Variants in KRABD2 observed in about 807,000 individuals in gnomAD.
The protein encoded by KRABD2 is KRAB domain containing 2.
the KRABD2 span, among the ~76,000 whole-genome samples, chr17:8,363,841 ATATATATATATATATATATATT>A: frequency 1.9e-4 from 14 of 75,322 alleles, no homozygotes; most frequent in Admixed American, 8.4e-4. Flanking sequence ...ATATATATAT[ATATATATATATATATATATATT>A]TATTTATTTA....
the KRABD2 span, among the ~76,000 whole-genome samples, chr17:8,366,066 TG>T: frequency 6.6e-6 from 1 of 151,752 alleles, no homozygotes; most frequent in Non-Finnish European, 1.5e-5. Context: ...AGGTGGAGGT[TG>T]CAGTGAGCCA....
chr17:8,375,099 C>T, the KRABD2 span, among the ~76,000 whole-genome samples: 1 of 151,842 alleles, frequency 6.6e-6, no homozygotes, highest in African/African-American at 2.4e-5. Flanking sequence ...GCCAGCTCCG[C>T]CTCCCGGGTT....
chr17:8,366,057 G>C, the KRABD2 span, among the ~76,000 whole-genome samples: 2 of 152,080 alleles, frequency 1.3e-5, no homozygotes, highest in African/African-American at 4.8e-5. Flanking sequence ...TAACCTGGAA[G>C]GTGGAGGTTG....
At chr17:8,369,005 A>G in the KRABD2 span, 1 of 1,406,844 alleles carries the variant, frequency 7.1e-7, no homozygotes, top group Non-Finnish European at 9.4e-7. Context: ...CTTTTTGAGC[A>G]AGGACTGCCA....
the KRABD2 span, among the ~76,000 whole-genome samples, chr17:8,374,090 G>GC: frequency 5.3e-5 from 8 of 151,938 alleles, no homozygotes; most frequent in Non-Finnish European, 1.2e-4. Flanking sequence ...GAAGTGAGGG[G>GC]CCCCTCTGCC....
chr17:8,368,506 G>C, the KRABD2 span: 1 of 152,160 alleles, frequency 6.6e-6, no homozygotes, highest in Non-Finnish European at 1.5e-5. Context: ...CTAGAGAAAG[G>C]AGAAAGGCAT....
the KRABD2 span, chr17:8,371,328 A>G: frequency 4.2e-5 from 68 of 1,612,696 alleles, no homozygotes; most frequent in Middle Eastern, 8.2e-4. Context: ...CCGTGTTCTC[A>G]TAACTGTCCA....
chr17:8,362,123 A>T, the KRABD2 span, among the ~76,000 whole-genome samples: 1 of 152,018 alleles, frequency 6.6e-6, no homozygotes, highest in Non-Finnish European at 1.5e-5. The surrounding 1 kb of genome is among the most constrained non-coding windows in gnomAD (Gnocchi z 4.2). Flanking sequence ...AGGTCAGGAG[A>T]TCAAGACCGA....
At chr17:8,374,343 T>C in the KRABD2 span, among the ~76,000 whole-genome samples, 1 of 152,180 alleles carries the variant, frequency 6.6e-6, no homozygotes, top group Admixed American at 6.5e-5. Context: ...CCGTGCTCTC[T>C]GAAACATGTG....
At chr17:8,371,472 G>A in the KRABD2 span, 2 of 1,612,864 alleles carry the variant, frequency 1.2e-6, no homozygotes, top group Admixed American at 1.7e-5. Flanking sequence ...TGGGGCCTGG[G>A]CTAAAGAGCA....
the KRABD2 span, among the ~76,000 whole-genome samples, chr17:8,360,095 ACTC>A: frequency 6.6e-6 from 1 of 152,016 alleles, no homozygotes; most frequent in African/African-American, 2.4e-5. Flanking sequence ...AGTGAAAAGA[ACTC>A]CTACGCCAAA....
the KRABD2 span, chr17:8,368,873 G>C: frequency 2.2e-6 from 1 of 446,540 alleles, no homozygotes; most frequent in Non-Finnish European, 3.9e-6. Flanking sequence ...CTGATCTCAA[G>C]TGACCCGCCC....
chr17:8,369,357 C>G, the KRABD2 span: 2 of 1,614,092 alleles, frequency 1.2e-6, no homozygotes, highest in Non-Finnish European at 1.7e-6. Flanking sequence ...GGAATATAGC[C>G]CAAATTTGGC....
chr17:8,376,652 C>T, the KRABD2 span: 210 of 985,504 alleles, frequency 2.1e-4, no homozygotes, highest in Middle Eastern at 2.1e-3. Flanking sequence ...AGGGACACAC[C>T]AGACGCGGCG....
At chr17:8,369,869 G>C in the KRABD2 span, 2 of 1,614,164 alleles carry the variant, frequency 1.2e-6, no homozygotes, top group Non-Finnish European at 1.7e-6. Flanking sequence ...TTGGTGCAAG[G>C]CCTCTCTTGG....
the KRABD2 span, among the ~76,000 whole-genome samples, chr17:8,374,394 G>A: frequency 6.6e-6 from 1 of 152,088 alleles, no homozygotes; most frequent in Non-Finnish European, 1.5e-5. Context: ...GGCAGTGCAA[G>A]ATGTGCTTTG....
the KRABD2 span, among the ~76,000 whole-genome samples, chr17:8,363,944 C>T: frequency 6.7e-6 from 1 of 150,040 alleles, no homozygotes; most frequent in Non-Finnish European, 1.5e-5. Context: ...TCTTGGTTCA[C>T]TGCAACCTCT....
chr17:8,359,731 C>T, the KRABD2 span: 2 of 455,912 alleles, frequency 4.4e-6, no homozygotes, highest in Non-Finnish European at 8.8e-6. Flanking sequence ...TTCTCTGCAC[C>T]CCATTCAGGG....
chr17:8,373,472 A>G, the KRABD2 span: 1 of 186,940 alleles, frequency 5.3e-6, no homozygotes, highest in South Asian at 9.0e-5. Flanking sequence ...TCGCTCACTC[A>G]GTGCTCAATG....
Sources: allele counts gnomAD v4.1 joint callset (sites outside exome capture counted in the v4.1 genomes callset), GRCh38; gene constraint gnomAD v4.1.1; non-coding constraint Gnocchi (gnomAD v3.1); transcripts MANE v1.5; gene names NCBI Gene and HGNC (gene_info 2026-07-23, HGNC 2026-07-21).